Variants in DAB1 observed in about 807,000 individuals in gnomAD.
DAB1 encodes disabled homolog 1.
A neutral mutation model predicts 64.6 loss-of-function variants in DAB1; 15 were observed. The observed-to-expected ratio is 0.23, with a 90% CI of 0.16 to 0.36. DAB1 has a LOEUF of 0.36. Among genes scored for constraint, DAB1 ranks in the 10% least tolerant of loss-of-function variants. DAB1 has a pLI of 1.00. For synonymous variants in DAB1, 235 were observed against 251.9 expected, an observed-to-expected ratio of 0.93 and a Z score of 0.64; for missense variants, 596 against 706.7, an observed-to-expected ratio of 0.84 and a Z score of 1.78.
chr1:57,197,007 C>A (rs189089923), intron 2 of DAB1, among the ~76,000 whole-genome samples: 88 of 152,266 alleles, frequency 5.8e-4, no homozygotes, highest in Admixed American at 1.6e-3. Flanking sequence ...CATCAAAATT[C>A]CCACTTTAGA....
intron 4 of DAB1, among the ~76,000 whole-genome samples, chr1:58,181,367 A>G (rs1350951988): frequency 6.6e-6 from 1 of 152,142 alleles, no homozygotes; most frequent in Non-Finnish European, 1.5e-5. Flanking sequence ...TACAGCATAT[A>G]GTAGGATCTT....
intron 4 of DAB1, among the ~76,000 whole-genome samples, chr1:57,110,048 C>A (rs1333458733): frequency 2.0e-5 from 3 of 152,128 alleles, no homozygotes; most frequent in East Asian, 3.9e-4. Flanking sequence ...CGAGATCAAC[C>A]TTGAGAGTAG....
chr1:57,670,371 GCAGAGCCAC>G (rs1646495977), intron 6 of DAB1, among the ~76,000 whole-genome samples: 1 of 152,090 alleles, frequency 6.6e-6, no homozygotes, highest in Non-Finnish European at 1.5e-5. Flanking sequence ...CTCCTATGGA[GCAGAGCCAC>G]CATCTCAGCC....
intron 7 of DAB1, among the ~76,000 whole-genome samples, chr1:57,511,338 A>G (rs1216419971): frequency 6.6e-6 from 1 of 152,222 alleles, no homozygotes; most frequent in Non-Finnish European, 1.5e-5. Flanking sequence ...CGTTGCAACC[A>G]CATGATCTTC....
At chr1:57,496,951 T>G (rs1644237857) in intron 7 of DAB1, among the ~76,000 whole-genome samples, 1 of 152,220 alleles carries the variant, frequency 6.6e-6, no homozygotes, top group Admixed American at 6.5e-5. Context: ...CAACCTCACT[T>G]TCTACTGGCA....
intron 4 of DAB1, among the ~76,000 whole-genome samples, chr1:57,128,829 C>A (rs1657382255): frequency 1.3e-5 from 2 of 152,180 alleles, no homozygotes; most frequent in Admixed American, 6.5e-5. Context: ...GAAAAATGAT[C>A]ACTTGCTTGC....
chr1:57,985,322 T>C (rs1187574665), intron 5 of DAB1, among the ~76,000 whole-genome samples: 2 of 152,214 alleles, frequency 1.3e-5, no homozygotes, highest in Non-Finnish European at 2.9e-5. Context: ...TACAAGATGG[T>C]ATTCCTTGAA....
chr1:58,048,416 C>A (rs998219025), intron 5 of DAB1: 6 of 950,734 alleles, frequency 6.3e-6, no homozygotes, highest in Non-Finnish European at 1.0e-5. Flanking sequence ...ACCTCCACCT[C>A]TATTGTTATA....
chr1:57,451,792 G>A (rs1282561197), intron 7 of DAB1, among the ~76,000 whole-genome samples: 1 of 152,096 alleles, frequency 6.6e-6, no homozygotes, highest in Admixed American at 6.6e-5. Flanking sequence ...GGGAGAGGGT[G>A]AAAATCCTTG....
At chr1:57,337,134 A>C (rs1221459887) in intron 1 of DAB1, among the ~76,000 whole-genome samples, 1 of 152,220 alleles carries the variant, frequency 6.6e-6, no homozygotes, top group Non-Finnish European at 1.5e-5. Flanking sequence ...CATCAACCAC[A>C]CAGCTAAAGC....
intron 9 of DAB1, among the ~76,000 whole-genome samples, chr1:57,031,720 A>G (rs1646971105): frequency 6.6e-6 from 1 of 152,190 alleles, no homozygotes; most frequent in South Asian, 2.1e-4. Context: ...ACATTCTCTA[A>G]CCAGAAATCT....
chr1:57,478,486 T>C (rs560015157), intron 7 of DAB1, among the ~76,000 whole-genome samples: 106 of 152,100 alleles, frequency 7.0e-4, no homozygotes, highest in Non-Finnish European at 1.2e-3. Context: ...ACTAACATTT[T>C]AATGAGTGCC....
At chr1:58,417,861 A>G (rs1377555953) in intron 3 of DAB1, among the ~76,000 whole-genome samples, 1 of 152,186 alleles carries the variant, frequency 6.6e-6, no homozygotes, top group African/African-American at 2.4e-5. Context: ...CTGCCACTTT[A>G]AGCCCCTATT....
At chr1:58,539,028 T>C (rs200317575) in intron 1 of DAB1, 1 of 872,822 alleles carries the variant, frequency 1.1e-6, no homozygotes, top group Non-Finnish European at 2.0e-6. Flanking sequence ...TCCTCCAAAT[T>C]TCCTTACTTT....
chr1:58,118,725 G>A (rs947620910), intron 5 of DAB1, among the ~76,000 whole-genome samples: 1 of 149,538 alleles, frequency 6.7e-6, no homozygotes, highest in African/African-American at 2.5e-5. Flanking sequence ...AACCACAAAT[G>A]AAGTAGGAAC....
intron 5 of DAB1, among the ~76,000 whole-genome samples, chr1:57,915,763 C>T (rs1315300612): frequency 5.9e-5 from 9 of 152,120 alleles, no homozygotes; most frequent in Non-Finnish European, 2.9e-5. Context: ...CCCATCAGCT[C>T]GGAGCCCCTT....
chr1:57,531,574 T>G (rs771000436), intron 7 of DAB1, among the ~76,000 whole-genome samples: 18 of 152,018 alleles, frequency 1.2e-4, no homozygotes, highest in Non-Finnish European at 2.5e-4. Flanking sequence ...GGATGAAATA[T>G]AAATATAAAA....
intron 5 of DAB1, among the ~76,000 whole-genome samples, chr1:57,947,659 C>G (rs1345450941): frequency 7.3e-6 from 1 of 136,064 alleles, no homozygotes; most frequent in Admixed American, 8.1e-5. Flanking sequence ...CCAGGTATAA[C>G]AGGAAATGCA....
rs146799576 is a variant in DAB1 at position 57,639,486 on chromosome 1, A to G, written n.625+10106T>C. Among the ~76,000 whole-genome samples, 601 of 152,244 alleles carry G rather than the reference A, an allele frequency of 3.9e-3. 4 individuals are homozygous for G. The highest frequency in any genetic ancestry group is 0.013 in the African/African-American group (548 of 41,530). On this transcript the variant is annotated intron_variant and non_coding_transcript_variant, in intron 7 of 20. Coordinates refer to the DAB1 transcript ENST00000485760. ...AAAGGGGAGCCACTGAAAAGTTTTA[A>G]GCAGAGGAGTCGCCTTTTCATATTT...
Sources: gnomAD v4.1 joint callset for allele counts (sites outside exome capture counted in the v4.1 genomes callset) on GRCh38, gnomAD v4.1.1 for gene constraint, MANE v1.5 for transcripts, NCBI Gene and HGNC (gene_info 2026-07-23, HGNC 2026-07-21) for gene names.